PSORS1C2: variants seen among roughly 807,000 people sequenced by gnomAD.
PSORS1C2 encodes psoriasis susceptibility 1 candidate gene 2 protein.
In PSORS1C2, 13 loss-of-function variants were observed where a neutral mutation model predicts 12.2. That is an observed-to-expected ratio of 1.07 (90% CI 0.70 to 1.70). The LOEUF is 1.70. Among genes scored for constraint, PSORS1C2 ranks in the 40% most tolerant of loss-of-function variants. The pLI, the probability that PSORS1C2 is intolerant of heterozygous loss-of-function variation, is 0.00. For missense variants in PSORS1C2, 186 were observed against 173.4 expected (o/e 1.07, Z -0.41); for synonymous variants, 76 against 69.2 (o/e 1.10, Z -0.49).
At chr6:31,138,807 A>G (rs546549792) in intron 1 of PSORS1C2, 165 bp downstream of exon 1, 44 of 1,613,794 alleles carry the variant, frequency 2.7e-5, no homozygotes, top group Non-Finnish European at 3.6e-5. Flanking sequence ...CTTCTGCACC[A>G]TGTCCCCCAC....
intron 1 of PSORS1C2, chr6:31,138,680 G>A (rs762793587): frequency 6.2e-7 from 1 of 1,613,130 alleles, no homozygotes; most frequent in African/African-American, 1.3e-5. Flanking sequence ...GCTTTACAAG[G>A]ACCCCAGCTC....
chr6:31,138,788 C>T (rs748469531), intron 1 of PSORS1C2, 184 bp downstream of exon 1: 46 of 1,614,006 alleles, frequency 2.9e-5, no homozygotes, highest in Non-Finnish European at 3.9e-5. Context: ...TGGTGAGAGC[C>T]AAATGCACCT....
chr6:31,138,358 G>A (rs777180178), intron 1 of PSORS1C2, 52 bp from the exon 2 acceptor site: 2 of 1,487,910 alleles, frequency 1.3e-6, no homozygotes, highest in Non-Finnish European at 1.9e-6. Flanking sequence ...TCTCTCCCCA[G>A]CCCCACCCAG....
chr6:31,138,584 G>A (rs1442205409), intron 1 of PSORS1C2: 8 of 1,609,310 alleles, frequency 5.0e-6, no homozygotes, highest in Middle Eastern at 1.6e-4. Context: ...ATCCACCCCT[G>A]GTTGGGGTAC....
Position 31,137,827 on chromosome 6 carries a change from C to A in PSORS1C2, c.*124G>T. On this transcript the variant is annotated 3_prime_UTR_variant, in exon 2 of 2. Transcript: ENST00000259845. ...CCACCTTACGGGTTCAGAATAAAAC[C>A]GAGGGAATGAGGAAGAGGTTTAAGG... 1 of 467,718 alleles carries A rather than the reference C, an allele frequency of 2.1e-6. No homozygotes were observed. Among genetic ancestry groups the A allele is most frequent in the Non-Finnish European group, 3.8e-6 (1 of 262,294 alleles). The allele number at this position is 467,718 out of a possible 1,614,324, so 29.0% of individuals were successfully genotyped here. A position where few individuals can be genotyped will look rare whatever the true frequency, so the allele number is the denominator to read the frequency against.
rs1773219251 is a variant in PSORS1C2, at chr6:31,137,774, C to T, written c.*177G>A. 3 of 415,228 alleles carry T rather than the reference C, an allele frequency of 7.2e-6. No homozygotes were observed. In the South Asian group the frequency reaches 2.9e-4, roughly 40 times the overall value. 25.7% of individuals were successfully genotyped at this position (415,228 alleles called of 1,614,324 possible). ...CGATGTGAGGACTAAGTATGGATCT[C>T]AGGAGGGGACAGGAAATATTGAGAA... On this transcript the variant is annotated 3_prime_UTR_variant, in exon 2 of 2. Transcript: ENST00000259845.
At position 31,137,908 on chromosome 6, in the gene PSORS1C2, G is replaced by T. The variant is rs1396639835; in HGVS notation, c.*43C>A. ...GAATCAGAGGGTGGAGAGGGCGTGG[G>T]TGCCTGGAGATGCCTGGGAACAGAA... On this transcript the variant is annotated 3_prime_UTR_variant, in exon 2 of 2. Transcript: ENST00000259845. The T allele has an allele frequency of 2.0e-6, 2 of 981,722 alleles. No homozygotes were observed. Among genetic ancestry groups the T allele is most frequent in the Non-Finnish European group, 1.4e-6 (1 of 689,896 alleles). 60.8% of individuals were successfully genotyped at this position (981,722 alleles called of 1,614,324 possible). A position where few individuals can be genotyped will look rare whatever the true frequency, so the allele number is the denominator to read the frequency against.
In PSORS1C2 at chr6:31,138,126, GT is replaced by G. The variant is rs778377927; in HGVS notation, c.235del (p.Thr79LeufsTer50). 6.0e-5 allele frequency: 96 copies of G among 1,605,606 alleles called. No individual in the cohort carries two copies. The highest frequency in any genetic ancestry group is 8.1e-5 in the Non-Finnish European group (95 of 1,177,006). Reference sequence around the variant, plus strand: ...AGGCGGTTCAGGGAGCCAGACTCCAGTTTCAGGCAGGTCTCTCCAGGGACGA... The same window carrying G: ...AGGCGGTTCAGGGAGCCAGACTCCAGTTCAGGCAGGTCTCTCCAGGGACGA... ...PSRPWRDLPETGVWLPEPPRT... is the reference protein window; with the variant it reads ...PSRPWRDLPEXGVWLPEPPRT... On this transcript the variant is annotated frameshift_variant, in exon 2 of 2. Coordinates refer to ENST00000259845, the MANE Select transcript of PSORS1C2 (RefSeq NM_014069.3). LOFTEE classifies it high-confidence loss of function.
chr6:31,138,188 G>A lies in PSORS1C2; in HGVS notation c.174C>T (p.Pro58=), dbSNP rs750292368. 3 of 1,578,268 alleles carry A rather than the reference G, an allele frequency of 1.9e-6. No individual in the cohort carries two copies. The highest frequency in any genetic ancestry group is 2.6e-6 in the Non-Finnish European group (3 of 1,164,876). ...PVPGDPWPGA[P]PLFEDPPPTR... ...TAGGCGGAGGATCTTCAAAGAGAGG[G>A]GGTGCCCCTGGCCAAGGGTCACCGG... The change falls in exon 2 of 2, where the codon CCC becomes CCT. Residue 58 remains proline (P), a synonymous_variant. Coordinates refer to ENST00000259845, the MANE Select transcript of PSORS1C2 (RefSeq NM_014069.3).
At chr6:31,138,732 C>T (rs1288132906) in intron 1 of PSORS1C2, 7 of 1,612,572 alleles carry the variant, frequency 4.3e-6, no homozygotes, top group African/African-American at 4.0e-5. Flanking sequence ...GTCCCCCCCA[C>T]GTTAATCCTG....
Position 31,137,960 on chromosome 6 carries a change from C to T in PSORS1C2, c.402G>A (p.Glu134=). The T allele has an allele frequency of 6.7e-7, 1 of 1,488,266 alleles. No individual in the cohort carries two copies. The highest frequency in any genetic ancestry group is 9.0e-7 in the Non-Finnish European group (1 of 1,116,956). The allele number at this position is 1,488,266 out of a possible 1,614,324, so 92.2% of individuals were successfully genotyped here. The change falls in exon 2 of 2, where the codon GAG becomes GAA. Residue 134 remains glutamate, a synonymous_variant. Coordinates refer to ENST00000259845, the MANE Select transcript of PSORS1C2 (RefSeq NM_014069.3). The part of the protein sequence containing the change: ...EEPDLDPPRE[E]YR Reference sequence around the variant, plus strand: ...GGCTGAGGGGACTCCATTATCTGTACTCTTCCCGGGGTGGGTCTAGGTCTG... The same window carrying T: ...GGCTGAGGGGACTCCATTATCTGTATTCTTCCCGGGGTGGGTCTAGGTCTG...
In PSORS1C2 at chr6:31,137,824, A is replaced by G; in HGVS notation, c.*127T>C. 2.1e-6 allele frequency: 1 copy of G among 468,640 alleles called. No individual in the cohort carries two copies. Among genetic ancestry groups the G allele is most frequent in the Non-Finnish European group, 3.8e-6 (1 of 262,672 alleles). The allele number at this position is 468,640 out of a possible 1,614,324, so 29.0% of individuals were successfully genotyped here. A position where few individuals can be genotyped will look rare whatever the true frequency, so the allele number is the denominator to read the frequency against. On this transcript the variant is annotated 3_prime_UTR_variant, in exon 2 of 2. Coordinates refer to ENST00000259845, the MANE Select transcript of PSORS1C2 (RefSeq NM_014069.3). Reference sequence around the variant, plus strand: ...ACACCACCTTACGGGTTCAGAATAAAACCGAGGGAATGAGGAAGAGGTTTA... The same window carrying G: ...ACACCACCTTACGGGTTCAGAATAAGACCGAGGGAATGAGGAAGAGGTTTA...
In PSORS1C2 at chr6:31,138,148, G is replaced by T; in HGVS notation, c.214C>A (p.Pro72Thr). The T allele has an allele frequency of 6.2e-7, 1 of 1,604,818 alleles. No individual in the cohort carries two copies. The highest frequency in any genetic ancestry group is 1.7e-4 in the Middle Eastern group (1 of 5,980). The change falls in exon 2 of 2, where the codon CCC becomes ACC. Residue 72 changes from proline (P) to threonine (T), a missense_variant. Pro to Thr is a conservative substitution (Grantham distance 38). Coordinates refer to ENST00000259845, the MANE Select transcript of PSORS1C2 (RefSeq NM_014069.3). ...CCAGTTTCAGGCAGGTCTCTCCAGGGACGACTGGGGCGGGTAGGCGGAGGA... is the reference window on the plus strand; with the variant it reads ...CCAGTTTCAGGCAGGTCTCTCCAGGTACGACTGGGGCGGGTAGGCGGAGGA... ...EDPPPTRPSR[P>T]WRDLPETGVW...
chr6:31,138,882 T>TC (rs1413050269), intron 1 of PSORS1C2, 90 bp downstream of exon 1: 1 of 1,600,408 alleles, frequency 6.2e-7, no homozygotes, highest in Non-Finnish European at 8.6e-7. Context: ...TGAATTCCTG[T>TC]CCCCAACCCC....
intron 1 of PSORS1C2, 63 bp from the exon 2 acceptor site, chr6:31,138,369 C>A: frequency 6.3e-7 from 1 of 1,594,194 alleles, no homozygotes; most frequent in South Asian, 1.1e-5. Context: ...CCCCACCCAG[C>A]CCCAGCCCCA....
chr6:31,137,563 T>G lies in PSORS1C2; in HGVS notation c.*388A>C. The G allele has an allele frequency of 7.9e-6, 2 of 251,700 alleles. No individual in the cohort carries two copies. Among genetic ancestry groups the G allele is most frequent in the Non-Finnish European group, 1.5e-5 (2 of 133,306 alleles). 15.6% of individuals were successfully genotyped at this position (251,700 alleles called of 1,614,324 possible). On this transcript the variant is annotated 3_prime_UTR_variant, in exon 2 of 2. Coordinates refer to ENST00000259845, the MANE Select transcript of PSORS1C2 (RefSeq NM_014069.3). Reference sequence around the variant, plus strand: ...GAAAACATGATTTTTATTTTTCCGTTTCATGGAAGCAGCAGCTGTCTACTG... The same window carrying G: ...GAAAACATGATTTTTATTTTTCCGTGTCATGGAAGCAGCAGCTGTCTACTG...
In PSORS1C2 at chr6:31,139,002, C is replaced by T; in HGVS notation, c.25G>A (p.Gly9Arg). The T allele has an allele frequency of 1.2e-6, 2 of 1,614,148 alleles. No homozygotes were observed. The highest frequency in any genetic ancestry group is 1.7e-6 in the Non-Finnish European group (2 of 1,180,002). The change falls in exon 1 of 2, where the codon GGG becomes AGG. Residue 9 changes from glycine (G) to arginine (R), a missense_variant. Coordinates refer to ENST00000259845, the MANE Select transcript of PSORS1C2 (RefSeq NM_014069.3). This position sits in a 1 kb window ranked among gnomAD's most constrained non-coding sequence, Gnocchi z 5.2. MILNWKLLGILVLCLHTRG... is the reference protein window; with the variant it reads MILNWKLLRILVLCLHTRG... ...GTGTGCAGGCAAAGGACCAGGATCC[C>T]CAGGAGCTTCCAGTTGAGGATCATG...
rs1010037987 is a variant in PSORS1C2 at position 31,137,709 on chromosome 6, G to C, written c.*242C>G. 2 of 392,892 alleles carry C rather than the reference G, an allele frequency of 5.1e-6. No homozygotes were observed. The highest frequency in any genetic ancestry group is 1.3e-4 in the South Asian group (1 of 7,642). The allele number at this position is 392,892 out of a possible 1,614,324, so 24.3% of individuals were successfully genotyped here. A position where few individuals can be genotyped will look rare whatever the true frequency, so the allele number is the denominator to read the frequency against. The stretch of plus-strand genomic sequence containing the variant: ...AGGTGCGGCCGAGGCCTGGAGGCGA[G>C]GTAGGAGAGTAGGCTTAGGCTGTCA... On this transcript the variant is annotated 3_prime_UTR_variant, in exon 2 of 2. Transcript: ENST00000259845.
rs771769515 is a variant in PSORS1C2, at chr6:31,138,158, G to A, written c.204C>T (p.Arg68=). 4 of 1,601,028 alleles carry A rather than the reference G, an allele frequency of 2.5e-6. No individual in the cohort carries two copies. The highest frequency in any genetic ancestry group is 2.7e-5 in the African/African-American group (2 of 74,458). The change falls in exon 2 of 2, where the codon CGC becomes CGT. Residue 68 remains arginine, a synonymous_variant. Transcript: ENST00000259845. ...PPLFEDPPPT[R]PSRPWRDLPE... Reference sequence around the variant, plus strand: ...GCAGGTCTCTCCAGGGACGACTGGGGCGGGTAGGCGGAGGATCTTCAAAGA... The same window carrying A: ...GCAGGTCTCTCCAGGGACGACTGGGACGGGTAGGCGGAGGATCTTCAAAGA...
Sources: gnomAD v4.1 joint callset for allele counts on GRCh38, gnomAD v4.1.1 for gene constraint, Gnocchi (gnomAD v3.1) non-coding constraint, MANE v1.5 for transcripts, NCBI Gene and HGNC (gene_info 2026-07-23, HGNC 2026-07-21) for gene names.